Variants in ERC1 observed in about 807,000 individuals in gnomAD.
ERC1 encodes ELKS/RAB6-interacting/CAST family member 1.
ERC1 carries 56 observed loss-of-function variants against 132.0 expected under a neutral mutation model. The ratio of observed to expected loss-of-function variants is 0.42; its 90% CI spans 0.34 to 0.53. The LOEUF (loss-of-function observed/expected upper bound fraction) is 0.53, where lower values mean the gene tolerates loss of function less well. Ranked by LOEUF, ERC1 falls within the 20% of genes least tolerant of loss-of-function variation. The pLI is 0.03. For missense variants in ERC1, 1,202 were observed against 1,349.9 expected (o/e 0.89, Z 1.72); for synonymous variants, 478 against 476.1 (o/e 1.00, Z -0.05).
intron 15 of ERC1, among the ~76,000 whole-genome samples, chr12:1,317,473 C>T (rs1207960185): frequency 6.6e-6 from 1 of 152,082 alleles, no homozygotes; most frequent in African/African-American, 2.4e-5. Flanking sequence ...ATGGGTGCAG[C>T]AAACCACCAT....
chr12:1,026,328 T>C lies in ERC1; in HGVS notation c.-156-1420T>C, dbSNP rs77094036. Among the ~76,000 whole-genome samples, 12 of 152,294 alleles carry C rather than the reference T, an allele frequency of 7.9e-5. No individual in the cohort carries two copies. In the East Asian group the frequency reaches 2.3e-3, roughly 29 times the overall value. ...CAGTTAAGTACACCTGGCCCCACCC[T>C]TGATACATGAAGATGATTGCAATTC... On this transcript the variant is annotated intron_variant, in intron 1 of 18. Transcript: ENST00000360905.
chr12:1,306,369 T>C (rs2080883602), intron 15 of ERC1, among the ~76,000 whole-genome samples: 1 of 152,208 alleles, frequency 6.6e-6, no homozygotes, highest in African/African-American at 2.4e-5. Flanking sequence ...CCGTTAATAC[T>C]GAAGTAGAAA....
intron 12 of ERC1, among the ~76,000 whole-genome samples, chr12:1,205,844 T>C (rs967807531): frequency 6.6e-6 from 1 of 152,118 alleles, no homozygotes; most frequent in Non-Finnish European, 1.5e-5. Context: ...CTCATTTTAG[T>C]GGGAAGTTTT....
intron 18 of ERC1, among the ~76,000 whole-genome samples, chr12:1,468,977 G>C (rs912392651): frequency 3.3e-5 from 5 of 152,256 alleles, no homozygotes; most frequent in African/African-American, 9.6e-5. Context: ...TCTCCTTCAC[G>C]AATGTTAACT....
At chr12:1,338,150 C>T (rs898787077) in intron 15 of ERC1, among the ~76,000 whole-genome samples, 6 of 152,144 alleles carry the variant, frequency 3.9e-5, no homozygotes, top group Non-Finnish European at 8.8e-5. Context: ...TACGCTCTCC[C>T]CATCTCTTTC....
chr12:1,077,573 C>T (rs1410582154), intron 2 of ERC1, among the ~76,000 whole-genome samples: 3 of 152,126 alleles, frequency 2.0e-5, no homozygotes, highest in Admixed American at 6.6e-5. Flanking sequence ...CTTTCCCAGC[C>T]TTTCAAAATC....
intron 12 of ERC1, among the ~76,000 whole-genome samples, chr12:1,196,955 CACACACATAT>C (rs1238116560): frequency 0.011 from 303 of 27,898 alleles, 16 homozygotes; most frequent in African/African-American, 0.088. Flanking sequence ...CACACACACA[CACACACATAT>C]ATATATATAT....
chr12:1,493,345 C>T lies in ERC1; in HGVS notation c.*3115C>T. 1 of 177,002 alleles carries T rather than the reference C, an allele frequency of 5.6e-6. No homozygotes were observed. Among genetic ancestry groups the T allele is most frequent in the Non-Finnish European group, 1.2e-5 (1 of 82,470 alleles). The allele number at this position is 177,002 out of a possible 1,614,324, so 11.0% of individuals were successfully genotyped here. A position where few individuals can be genotyped will look rare whatever the true frequency, so the allele number is the denominator to read the frequency against. On this transcript the variant is annotated 3_prime_UTR_variant, in exon 19 of 19. Coordinates refer to ENST00000360905, the MANE Select transcript of ERC1 (RefSeq NM_178040.4). ...ATCACCTGAGATCAGGAGTTCGAGG[C>T]CAGCCTGGCCAAGATGGCAAAAACC...
At chr12:1,344,476 A>G (rs578190639) in intron 15 of ERC1, among the ~76,000 whole-genome samples, 29 of 151,886 alleles carry the variant, frequency 1.9e-4, no homozygotes, top group African/African-American at 6.5e-4. Context: ...GTGCTGTGAA[A>G]CCCTGAAACC....
rs559281079 is a variant in ERC1, at chr12:1,174,959, C to T, written c.1738-5581C>T. The stretch of plus-strand genomic sequence containing the variant: ...TCAGTTCCAGACCACCACAGTAAAA[C>T]GAGTCACACAAATTTTTTGGCTTCC... On this transcript the variant is annotated intron_variant, in intron 8 of 18. Coordinates refer to ENST00000360905, the MANE Select transcript of ERC1 (RefSeq NM_178040.4). 3.3e-5 allele frequency among the ~76,000 whole-genome samples: 5 copies of T among 152,274 alleles called. No homozygotes were observed. In the East Asian group the frequency reaches 7.7e-4, roughly 23 times the overall value.
intron 18 of ERC1, among the ~76,000 whole-genome samples, chr12:1,482,452 T>G (rs1233817553): frequency 2.6e-5 from 4 of 152,174 alleles, no homozygotes; most frequent in African/African-American, 9.7e-5. Flanking sequence ...TTTGTGTTTT[T>G]TTTGTTTGTT....
intron 16 of ERC1, among the ~76,000 whole-genome samples, chr12:1,392,697 A>G (rs2090076938): frequency 6.6e-6 from 1 of 152,240 alleles, no homozygotes; most frequent in Admixed American, 6.5e-5. Context: ...TTGGATTTAT[A>G]AAATTATAAG....
At chr12:1,022,973 C>T (rs983530612) in intron 1 of ERC1, among the ~76,000 whole-genome samples, 2 of 152,116 alleles carry the variant, frequency 1.3e-5, no homozygotes, top group Admixed American at 6.6e-5. Flanking sequence ...CTTCTTCCTG[C>T]CGCCATGTGA....
At chr12:1,077,727 A>G (rs1160505399) in intron 2 of ERC1, among the ~76,000 whole-genome samples, 1 of 152,134 alleles carries the variant, frequency 6.6e-6, no homozygotes, top group Non-Finnish European at 1.5e-5. Context: ...CTTAAACTCA[A>G]TGTATCTGTT....
rs543100632 is a variant in ERC1 at position 1,477,741 on chromosome 12, G to A, written c.3214-12352G>A. ...CAAGCAGCAGAATGTTACCAGTGCCGAAGCCCCTTGTCATCCTCCTTCCAG... is the reference window on the plus strand; with the variant it reads ...CAAGCAGCAGAATGTTACCAGTGCCAAAGCCCCTTGTCATCCTCCTTCCAG... On this transcript the variant is annotated intron_variant, in intron 18 of 18. Coordinates refer to ENST00000360905, the MANE Select transcript of ERC1 (RefSeq NM_178040.4). Among the ~76,000 whole-genome samples the A allele has an allele frequency of 1.8e-4, 28 of 152,214 alleles. No individual in the cohort carries two copies. The East Asian group carries it at 4.1e-3, about 22-fold the overall frequency.
intron 7 of ERC1, among the ~76,000 whole-genome samples, chr12:1,130,317 A>G (rs1021483614): frequency 8.5e-5 from 13 of 152,174 alleles, no homozygotes; most frequent in African/African-American, 2.2e-4. Context: ...AGAAAGCTAT[A>G]AGGAATTCTC....
At chr12:1,041,407 A>G (rs1970193911) in intron 2 of ERC1, among the ~76,000 whole-genome samples, 1 of 152,124 alleles carries the variant, frequency 6.6e-6, no homozygotes. Context: ...GGGTTTTGCC[A>G]TGTTGGCCAG....
intron 2 of ERC1, among the ~76,000 whole-genome samples, chr12:1,048,937 A>G (rs1249792341): frequency 6.6e-6 from 1 of 152,222 alleles, no homozygotes; most frequent in Non-Finnish European, 1.5e-5. Context: ...GTGTTTGTCT[A>G]TTTTAACTCT....
Position 1,491,075 on chromosome 12 carries a change from T to G in ERC1, c.*845T>G, listed in dbSNP as rs569399524. 20 of 232,848 alleles carry G rather than the reference T, an allele frequency of 8.6e-5. No homozygotes were observed. Among genetic ancestry groups the G allele is most frequent in the African/African-American group, 4.4e-4 (20 of 45,444 alleles). The allele number at this position is 232,848 out of a possible 1,614,324, so 14.4% of individuals were successfully genotyped here. A position where few individuals can be genotyped will look rare whatever the true frequency, so the allele number is the denominator to read the frequency against. ...CAGGGCAACATAGCGTGACCCTGTC[T>G]CTACAAAAAATTAAAAAGAGAACAT... is the stretch of plus-strand genomic sequence containing the variant. On this transcript the variant is annotated 3_prime_UTR_variant, in exon 19 of 19. Transcript: ENST00000360905.
Sources: gnomAD v4.1 joint callset for allele counts (sites outside exome capture counted in the v4.1 genomes callset) on GRCh38, gnomAD v4.1.1 for gene constraint, MANE v1.5 for transcripts, NCBI Gene and HGNC (gene_info 2026-07-23, HGNC 2026-07-21) for gene names.